Variants in MCTP1 observed in about 807,000 individuals in gnomAD.
MCTP1 encodes multiple C2 and transmembrane domain-containing protein 1.
In MCTP1, 69 loss-of-function variants were observed where a neutral mutation model predicts 120.6. That is an observed-to-expected ratio of 0.57 (90% CI 0.47 to 0.70). The LOEUF is 0.70. Among genes scored for constraint, MCTP1 ranks in the 30% least tolerant of loss-of-function variants. The pLI is 0.00. For missense variants in MCTP1, 1,203 were observed against 1,248.8 expected (o/e 0.96, Z 0.55); for synonymous variants, 529 against 493.1 (o/e 1.07, Z -0.96).
intron 1 of MCTP1, among the ~76,000 whole-genome samples, chr5:95,018,992 G>T (rs928798372): frequency 3.9e-5 from 6 of 151,930 alleles, no homozygotes; most frequent in Non-Finnish European, 5.9e-5. Flanking sequence ...TATAGGTTTG[G>T]TTTTTTGTGG....
At chr5:94,805,332 CA>C in intron 17 of MCTP1, among the ~76,000 whole-genome samples, 1 of 151,992 alleles carries the variant, frequency 6.6e-6, no homozygotes, top group South Asian at 2.1e-4. Context: ...TTTAATTTAC[CA>C]CAAGGTAAAT....
intron 16 of MCTP1, among the ~76,000 whole-genome samples, chr5:94,868,690 C>A (rs1172771614): frequency 6.6e-6 from 1 of 151,766 alleles, no homozygotes; most frequent in Non-Finnish European, 1.5e-5. Context: ...GTTGGACTAC[C>A]TTTGCTCACA....
chr5:95,144,819 T>C (rs947623506), intron 1 of MCTP1, among the ~76,000 whole-genome samples: 3 of 152,178 alleles, frequency 2.0e-5, no homozygotes. Flanking sequence ...CCTTGTAGTA[T>C]AGTGGGAAGT....
intron 12 of MCTP1, 29 bp downstream of exon 12, chr5:94,888,850 A>G (rs763059197): frequency 3.6e-6 from 5 of 1,407,706 alleles, no homozygotes; most frequent in Non-Finnish European, 5.0e-6. Context: ...GCTTGATCTG[A>G]GCAATAGGAG....
At chr5:94,956,376 C>T in intron 2 of MCTP1, among the ~76,000 whole-genome samples, 1 of 152,196 alleles carries the variant, frequency 6.6e-6, no homozygotes, top group East Asian at 1.9e-4. Flanking sequence ...AGGATCACAA[C>T]TCCTTGCCAG....
At chr5:95,196,599 C>G (rs766251266) in intron 1 of MCTP1, among the ~76,000 whole-genome samples, 1 of 152,174 alleles carries the variant, frequency 6.6e-6, no homozygotes, top group Non-Finnish European at 1.5e-5. Flanking sequence ...TAATCCATAA[C>G]AGTACGAAGA....
At chr5:95,147,442 C>T (rs1249716942) in intron 1 of MCTP1, among the ~76,000 whole-genome samples, 1 of 152,118 alleles carries the variant, frequency 6.6e-6, no homozygotes. Flanking sequence ...GAACCCTTTG[C>T]CATTATGTAA....
intron 1 of MCTP1, among the ~76,000 whole-genome samples, chr5:95,229,748 A>T (rs1376831845): frequency 6.6e-6 from 1 of 152,098 alleles, no homozygotes; most frequent in Non-Finnish European, 1.5e-5. Flanking sequence ...CTCAAAAAAA[A>T]AAAAAAGATT....
chr5:95,262,195 T>C (rs1758525797), intron 1 of MCTP1, among the ~76,000 whole-genome samples: 1 of 152,198 alleles, frequency 6.6e-6, no homozygotes, highest in Non-Finnish European at 1.5e-5. Flanking sequence ...TTTACCTTCA[T>C]GAGTCGAGCT....
chr5:94,779,357 G>A (rs886896788), intron 18 of MCTP1, among the ~76,000 whole-genome samples, 194 bp from the exon 19 acceptor site: 1 of 152,160 alleles, frequency 6.6e-6, no homozygotes, highest in Non-Finnish European at 1.5e-5. Flanking sequence ...CCAAATCCCA[G>A]TTAGGAGAAC....
chr5:94,974,931 T>G (rs1827767366), intron 2 of MCTP1, among the ~76,000 whole-genome samples: 1 of 152,168 alleles, frequency 6.6e-6, no homozygotes, highest in Admixed American at 6.5e-5. Context: ...CTTAGACTAT[T>G]CATATATTCA....
chr5:94,908,366 C>T (rs1807488171), intron 10 of MCTP1, among the ~76,000 whole-genome samples: 1 of 151,842 alleles, frequency 6.6e-6, no homozygotes, highest in Admixed American at 6.6e-5. Flanking sequence ...TATATAACTG[C>T]ATCATAAAAA....
intron 19 of MCTP1, among the ~76,000 whole-genome samples, chr5:94,734,709 G>A (rs1443765579): frequency 6.6e-6 from 1 of 151,974 alleles, no homozygotes; most frequent in Non-Finnish European, 1.5e-5. Flanking sequence ...CTCCCACCTC[G>A]GCCTCCCAAA....
intron 5 of MCTP1, among the ~76,000 whole-genome samples, chr5:94,933,927 A>G (rs571758367): frequency 1.1e-4 from 16 of 151,996 alleles, no homozygotes; most frequent in African/African-American, 3.9e-4. Flanking sequence ...CTGATACAAT[A>G]AAAAGTCAGT....
chr5:95,103,453 A>G (rs1036299968), intron 1 of MCTP1, among the ~76,000 whole-genome samples: 5 of 152,222 alleles, frequency 3.3e-5, no homozygotes, highest in Non-Finnish European at 7.3e-5. Flanking sequence ...TGCAAGGGAT[A>G]GGACTGTGAT....
intron 1 of MCTP1, among the ~76,000 whole-genome samples, chr5:95,120,539 TCAAA>T (rs1758147371): frequency 1.3e-5 from 2 of 151,988 alleles, no homozygotes; most frequent in African/African-American, 4.8e-5. Context: ...CATATGCAAA[TCAAA>T]CAATGGGATG....
At chr5:94,754,355 A>G (rs1410017389) in intron 19 of MCTP1, among the ~76,000 whole-genome samples, 1 of 152,204 alleles carries the variant, frequency 6.6e-6, no homozygotes, top group African/African-American at 2.4e-5. Context: ...TCCTCAGTGG[A>G]CTATAATTGG....
Position 95,284,093 on chromosome 5 carries a change from G to A in MCTP1, c.483C>T (p.Ser161=), listed in dbSNP as rs1180967889. ...GCGAGGAGGACAGGGAGGATGAGGC[G>A]GAGGAAGAGGAAGGAGCTGAGTCGG... ...RSPDSAPSSS[S]ASSSLSSSPQ... is the part of the protein sequence containing the mutation. Residue 161 remains serine (S), a synonymous_variant, in exon 1 of 23, where the codon TCC becomes TCT. Coordinates refer to ENST00000515393, the MANE Select transcript of MCTP1 (RefSeq NM_024717.7). This position sits in a 1 kb window ranked among gnomAD's most constrained non-coding sequence, Gnocchi z 5.2. 3 of 1,550,804 alleles carry A rather than the reference G, an allele frequency of 1.9e-6. No individual in the cohort carries two copies. In the East Asian group the frequency reaches 7.3e-5, roughly 38 times the overall value.
chr5:94,745,073 G>GA (rs74765438), intron 19 of MCTP1, among the ~76,000 whole-genome samples: 35,082 of 152,080 alleles, frequency 0.23, 4,174 homozygotes, highest in East Asian at 0.35. Context: ...CCCACCCACA[G>GA]AGAGTAAGAA....
Sources: allele counts gnomAD v4.1 joint callset (sites outside exome capture counted in the v4.1 genomes callset), GRCh38; gene constraint gnomAD v4.1.1; non-coding constraint Gnocchi (gnomAD v3.1); transcripts MANE v1.5; gene names NCBI Gene and HGNC (gene_info 2026-07-23, HGNC 2026-07-21).